Variants in PLB1 observed in about 807,000 individuals in gnomAD.
PLB1 encodes the protein phospholipase B1, also known as phospholipase B1, membrane-associated.
Under a neutral mutation model 227.4 loss-of-function variants are expected in PLB1, and 242 were observed. That is an observed-to-expected ratio of 1.06 (90% confidence interval 0.96 to 1.18). PLB1 has a LOEUF of 1.18. Ranked by LOEUF, PLB1 falls within the 50% of genes most tolerant of loss-of-function variation. The pLI is 0.00. For synonymous variants in PLB1, 757 were observed against 682.2 expected (o/e 1.11, Z -1.71); for missense variants, 1,858 against 1,816.3 (o/e 1.02, Z -0.42).
intron 9 of PLB1, among the ~76,000 whole-genome samples, chr2:28,536,938 AC>A (rs1304002747): frequency 2.6e-5 from 4 of 152,162 alleles, no homozygotes; most frequent in African/African-American, 9.7e-5. Context: ...AGAGAGCCAC[AC>A]AGGGTCCCCC....
rs1448279741 is a variant in PLB1, at chr2:28,543,250, G to A, written c.918G>A (p.Trp306Ter). Residue 306 changes from tryptophan (W) to a stop codon, truncating the protein, a stop_gained, in exon 14 of 58, where the codon TGG becomes TGA. Coordinates refer to ENST00000327757, the MANE Select transcript of PLB1 (RefSeq NM_153021.5). LOFTEE classifies it high-confidence loss of function. ...PRLQDSTTLA[W>*]HLWNRMMEPA... ...TCCAGGATTCTACCACGCTGGCCTG[G>A]CATCTCTGGAATAGGATGGTGAGTA... 5 of 1,612,384 alleles carry A rather than the reference G, an allele frequency of 3.1e-6. No homozygotes were observed. In the South Asian group the frequency reaches 5.5e-5, roughly 18 times the overall value.
chr2:28,544,631 A>G (rs1672973847), intron 14 of PLB1, among the ~76,000 whole-genome samples: 1 of 152,216 alleles, frequency 6.6e-6, no homozygotes, highest in Non-Finnish European at 1.5e-5. Flanking sequence ...AAAGGGACTC[A>G]GCCAGCAGTG....
intron 40 of PLB1, 119 bp downstream of exon 40, chr2:28,604,166 A>G: frequency 1.1e-6 from 1 of 950,564 alleles, no homozygotes; most frequent in Non-Finnish European, 1.6e-6. Context: ...TTGTGGGGAG[A>G]CGGGGAGCAG....
At chr2:28,503,875 G>A (rs1198936332) in intron 1 of PLB1, among the ~76,000 whole-genome samples, 1 of 152,186 alleles carries the variant, frequency 6.6e-6, no homozygotes, top group African/African-American at 2.4e-5. Flanking sequence ...GGAAATAGAC[G>A]TTGCCTCTTG....
chr2:28,599,311 C>A (rs976018746), intron 35 of PLB1, among the ~76,000 whole-genome samples: 3 of 152,262 alleles, frequency 2.0e-5, no homozygotes, highest in Non-Finnish European at 2.9e-5. Flanking sequence ...CCACCCTGCT[C>A]CTAGAGGCCC....
chr2:28,599,740 C>T (rs558947332), intron 35 of PLB1, among the ~76,000 whole-genome samples: 40 of 152,152 alleles, frequency 2.6e-4, no homozygotes, highest in African/African-American at 9.7e-4. Flanking sequence ...CCTCAGCCTC[C>T]GAGTAGCTGG....
At chr2:28,591,532 G>A (rs1223372718) in intron 30 of PLB1, among the ~76,000 whole-genome samples, 168 bp from the exon 31 acceptor site, 1 of 152,176 alleles carries the variant, frequency 6.6e-6, no homozygotes, top group East Asian at 1.9e-4. Flanking sequence ...ATCTGTGGCC[G>A]CTACGCAAAA....
chr2:28,529,432 T>A, intron 7 of PLB1, 25 bp downstream of exon 7: 4 of 1,531,160 alleles, frequency 2.6e-6, no homozygotes, highest in Non-Finnish European at 3.6e-6. Flanking sequence ...TGTCTCTCTC[T>A]GAGGTTATGT....
At chr2:28,528,330 A>G (rs1670550250) in intron 6 of PLB1, among the ~76,000 whole-genome samples, 1 of 152,168 alleles carries the variant, frequency 6.6e-6, no homozygotes, top group Admixed American at 6.5e-5. Flanking sequence ...GCCTCCCATG[A>G]CACTCTCTCC....
intron 21 of PLB1, among the ~76,000 whole-genome samples, chr2:28,577,425 C>T (rs1303091784): frequency 6.6e-6 from 1 of 152,212 alleles, no homozygotes; most frequent in Non-Finnish European, 1.5e-5. Flanking sequence ...TGGCACCTGC[C>T]AAAATGGGTG....
intron 41 of PLB1, among the ~76,000 whole-genome samples, 172 bp downstream of exon 41, chr2:28,604,931 C>T (rs989474184): frequency 6.6e-6 from 1 of 152,222 alleles, no homozygotes; most frequent in Non-Finnish European, 1.5e-5. Context: ...ATGTGCGAGG[C>T]TCCCATGACC....
chr2:28,536,454 A>G (rs1671691224), intron 9 of PLB1, among the ~76,000 whole-genome samples: 1 of 152,232 alleles, frequency 6.6e-6, no homozygotes, highest in Non-Finnish European at 1.5e-5. Flanking sequence ...AAACAGACAC[A>G]TTTATCCCTT....
intron 1 of PLB1, among the ~76,000 whole-genome samples, chr2:28,508,337 T>A (rs1667862483): frequency 6.6e-6 from 1 of 152,102 alleles, no homozygotes. Flanking sequence ...CCCAGCTACC[T>A]CAGAAGGGTT....
chr2:28,516,954 T>G, intron 2 of PLB1, 85 bp downstream of exon 2: 2 of 1,391,082 alleles, frequency 1.4e-6, no homozygotes, highest in Non-Finnish European at 1.0e-6. Context: ...CAAGTTTTGG[T>G]GCAAGTTGAC....
At chr2:28,500,738 C>T (rs1666995194) in intron 1 of PLB1, among the ~76,000 whole-genome samples, 1 of 151,584 alleles carries the variant, frequency 6.6e-6, no homozygotes, top group Non-Finnish European at 1.5e-5. Context: ...ATAGTGAGAC[C>T]CCGTCTCCAA....
Position 28,557,325 on chromosome 2 carries a change from C to T in PLB1, c.1147+4334C>T, listed in dbSNP as rs1047796206. On this transcript the variant is annotated intron_variant, in intron 17 of 57. Transcript: ENST00000327757. ...CGCATTGGTTCATGGAAACTCACACCGAAGACTCCAAAGGCAAAACATCGT... is the reference window on the plus strand; with the variant it reads ...CGCATTGGTTCATGGAAACTCACACTGAAGACTCCAAAGGCAAAACATCGT... Among the ~76,000 whole-genome samples, 7 of 152,294 alleles carry T rather than the reference C, an allele frequency of 4.6e-5. No individual in the cohort carries two copies. The South Asian group carries it at 8.3e-4, about 18-fold the overall frequency.
At chr2:28,638,310 A>G (rs1366177394) in intron 56 of PLB1, among the ~76,000 whole-genome samples, 1 of 152,084 alleles carries the variant, frequency 6.6e-6, no homozygotes, top group African/African-American at 2.4e-5. Flanking sequence ...GGCAGAGGAA[A>G]TAGGACCCAC....
intron 42 of PLB1, among the ~76,000 whole-genome samples, chr2:28,606,226 C>T (rs897077234): frequency 6.6e-6 from 1 of 152,176 alleles, no homozygotes; most frequent in Non-Finnish European, 1.5e-5. Flanking sequence ...TGCCGGCCAC[C>T]ATGTTAGGCA....
At chr2:28,610,795 G>A (rs1198502690) in intron 43 of PLB1, among the ~76,000 whole-genome samples, 1 of 152,148 alleles carries the variant, frequency 6.6e-6, no homozygotes, top group Non-Finnish European at 1.5e-5. Context: ...CACATCAGGA[G>A]GCTGGCTGGG....
Sources: allele counts gnomAD v4.1 joint callset (sites outside exome capture counted in the v4.1 genomes callset), GRCh38; gene constraint gnomAD v4.1.1; transcripts MANE v1.5; gene names NCBI Gene and HGNC (gene_info 2026-07-23, HGNC 2026-07-21).